The following MOV10L1 variants were observed in gnomAD, a reference collection of about 807,000 sequenced individuals.
The protein encoded by MOV10L1 is Mov10 like RNA helicase 1, also known as RNA helicase Mov10l1.
Under a neutral mutation model 143.8 loss-of-function variants are expected in MOV10L1, and 110 were observed. The ratio of observed to expected loss-of-function variants is 0.76; its 90% CI spans 0.66 to 0.90. MOV10L1 has a LOEUF of 0.90. Among genes scored for constraint, MOV10L1 ranks in the 40% least tolerant of loss-of-function variants. The pLI is 0.00. For synonymous variants in MOV10L1, 593 were observed against 581.1 expected (o/e 1.02, Z -0.29); for missense variants, 1,406 against 1,526.8 (o/e 0.92, Z 1.32).
chr22:50,120,560 A>G lies in MOV10L1; in HGVS notation c.1513A>G (p.Arg505Gly). ...CCAATATCCAATCCCAGATAGACTT[A>G]GAAAATGTGTGGAACAAAAAATTGA... ...LPQYPIPDRL[R>G]KCVEQKIDIL... Residue 505 changes from arginine to glycine, a missense_variant, in exon 10 of 27, where the codon AGA becomes GGA. By Grantham distance (125) the Arg-to-Gly change is moderately radical. Around this residue, in one of 3 missense-constraint regions of MOV10L1, gnomAD observed 1,233 missense variants for 1,351.4 expected, o/e 0.91. Coordinates refer to ENST00000262794, the MANE Select transcript of MOV10L1 (RefSeq NM_018995.3). 1 of 1,613,948 alleles carries G rather than the reference A, an allele frequency of 6.2e-7. No homozygotes were observed. Among genetic ancestry groups the G allele is most frequent in the Non-Finnish European group, 8.5e-7 (1 of 1,179,876 alleles).
chr22:50,106,283 T>C (rs940877622), intron 3 of MOV10L1, among the ~76,000 whole-genome samples: 17 of 150,962 alleles, frequency 1.1e-4, no homozygotes, highest in African/African-American at 4.1e-4. Flanking sequence ...GCCTCGTGAG[T>C]AGCTGGGACT....
rs74932122 is a variant in MOV10L1 at position 50,102,348 on chromosome 22, C to T, written c.442+2746C>T. Among the ~76,000 whole-genome samples the T allele has an allele frequency of 8.1e-3, 1,241 of 152,324 alleles. 19 individuals carry two copies. The highest frequency in any genetic ancestry group is 0.027 in the African/African-American group (1,141 of 41,576). Reference sequence around the variant, plus strand: ...TCCTCCCCACAGGATGGTCGTACCACGTAGCTGAAAGCAGACATAGCTGTA... The same window carrying T: ...TCCTCCCCACAGGATGGTCGTACCATGTAGCTGAAAGCAGACATAGCTGTA... On this transcript the variant is annotated intron_variant, in intron 3 of 26. Transcript: ENST00000262794.
chr22:50,144,446 A>G (rs945898066), intron 18 of MOV10L1, among the ~76,000 whole-genome samples: 4 of 134,930 alleles, frequency 3.0e-5, no homozygotes, highest in African/African-American at 7.8e-5. Flanking sequence ...TCACATTCTC[A>G]CTCTGTGTGA....
intron 18 of MOV10L1, among the ~76,000 whole-genome samples, chr22:50,144,850 G>A (rs1013565162): frequency 6.6e-6 from 1 of 151,906 alleles, no homozygotes; most frequent in Non-Finnish European, 1.5e-5. Flanking sequence ...CAAAGTGCTG[G>A]GATTACAGGC....
At chr22:50,160,548 G>A (rs969726986) in intron 24 of MOV10L1, 140 bp from the exon 25 acceptor site, 46 of 1,105,980 alleles carry the variant, frequency 4.2e-5, no homozygotes, top group African/African-American at 1.6e-4. Context: ...CACCGCGCCC[G>A]GCCTCCTGTT....
Position 50,104,822 on chromosome 22 carries a change from G to A in MOV10L1, c.443-3314G>A, listed in dbSNP as rs565242412. Among the ~76,000 whole-genome samples the A allele has an allele frequency of 6.0e-5, 9 of 150,932 alleles. No individual in the cohort carries two copies. The East Asian group carries it at 7.7e-4, about 13-fold the overall frequency. ...ATTATTTCTATAATTGCGTGGTGTC[G>A]TCTTCAAAGTTGCATTTTATGGTTG... On this transcript the variant is annotated intron_variant, in intron 3 of 26. Transcript: ENST00000262794.
intron 13 of MOV10L1, 63 bp from the exon 14 acceptor site, chr22:50,133,944 T>C (rs2062749401): frequency 2.1e-6 from 3 of 1,400,482 alleles, no homozygotes; most frequent in Non-Finnish European, 3.0e-6. Flanking sequence ...TTCATTACCT[T>C]ATGCCAGCCT....
Position 50,159,339 on chromosome 22 carries a change from C to T in MOV10L1, c.3217-339C>T, listed in dbSNP as rs138334769. 498 of 167,924 alleles carry T rather than the reference C, an allele frequency of 3.0e-3. 2 individuals are homozygous for T. The highest frequency in any genetic ancestry group is 0.011 in the African/African-American group (465 of 41,800). The allele number at this position is 167,924 out of a possible 1,614,324, so 10.4% of individuals were successfully genotyped here. A position where few individuals can be genotyped will look rare whatever the true frequency, so the allele number is the denominator to read the frequency against. ...TGTACATGTCGGGCGTGGTGGCTCA[C>T]GCCTGTAATCCCAGCACTTTGGGAG... On this transcript the variant is annotated intron_variant, in intron 23 of 26. Transcript: ENST00000262794. The surrounding 1 kb of genome is among the most constrained non-coding windows in gnomAD (Gnocchi z 4.1).
At chr22:50,102,709 C>T (rs1161146196) in intron 3 of MOV10L1, among the ~76,000 whole-genome samples, 4 of 152,102 alleles carry the variant, frequency 2.6e-5, no homozygotes, top group Admixed American at 2.6e-4. Context: ...GGAGACCAGC[C>T]TGACCAACAT....
chr22:50,135,301 C>A (rs2062793701), intron 15 of MOV10L1, among the ~76,000 whole-genome samples: 1 of 151,876 alleles, frequency 6.6e-6, no homozygotes, highest in African/African-American at 2.4e-5. Context: ...CGTGAGCCAC[C>A]ACACCCGGCC....
rs767221349 is a variant in MOV10L1, at chr22:50,099,456, C to T, written c.296C>T (p.Ser99Phe). The T allele has an allele frequency of 6.2e-7, 1 of 1,613,964 alleles. No individual in the cohort carries two copies. Among genetic ancestry groups the T allele is most frequent in the Non-Finnish European group, 8.5e-7 (1 of 1,179,902 alleles). Reference protein sequence around the residue: ...GLKAIRVEAVSDKWEDDSRNH... With the variant: ...GLKAIRVEAVFDKWEDDSRNH... ...TTTGTTTTACAGGTAGAAGCTGTCT[C>T]TGATAAGTGGGAAGACGACAGCAGA... The change falls in exon 3 of 27, where the codon TCT (serine) becomes TTT (phenylalanine). Residue 99 changes from serine to phenylalanine, a missense_variant. Transcript: ENST00000262794.
chr22:50,111,725 A>C (rs1278001135), intron 5 of MOV10L1, among the ~76,000 whole-genome samples: 1 of 151,596 alleles, frequency 6.6e-6, no homozygotes, highest in Non-Finnish European at 1.5e-5. Flanking sequence ...GGATGGTCTC[A>C]ATCTCCTGAC....
At chr22:50,091,191 C>T (rs940502902) in intron 1 of MOV10L1, 1 of 167,736 alleles carries the variant, frequency 6.0e-6, no homozygotes, top group Non-Finnish European at 1.5e-5. Context: ...CCGTGGATCT[C>T]TTCGGTAGAA....
At chr22:50,109,724 C>A in intron 5 of MOV10L1, 1 of 183,932 alleles carries the variant, frequency 5.4e-6, no homozygotes, top group Non-Finnish European at 1.2e-5. Context: ...CACCTCCGGT[C>A]CCAGCTACAC....
At position 50,117,331 on chromosome 22, in the gene MOV10L1, T is replaced by A; in HGVS notation, c.1434T>A (p.Val478=). 6 of 1,613,896 alleles carry A rather than the reference T, an allele frequency of 3.7e-6. No homozygotes were observed. The highest frequency in any genetic ancestry group is 5.1e-6 in the Non-Finnish European group (6 of 1,179,942). ...SQALTSAKTT[V]VVTAQKRNSR... is the part of the protein sequence containing the mutation. ...CGTTAACATCCGCAAAAACTACAGTTGTTGTGACCGCACAGAAAAGGTACC... is the reference window on the plus strand; with the variant it reads ...CGTTAACATCCGCAAAAACTACAGTAGTTGTGACCGCACAGAAAAGGTACC... The change falls in exon 9 of 27, where the codon GTT becomes GTA. Residue 478 remains valine (V), a synonymous_variant. Transcript: ENST00000262794.
At chr22:50,111,273 A>G (rs185172924) in intron 5 of MOV10L1, among the ~76,000 whole-genome samples, 1 of 152,308 alleles carries the variant, frequency 6.6e-6, no homozygotes, top group African/African-American at 2.4e-5. Context: ...ACATGACTGA[A>G]TACACATTTG....
intron 8 of MOV10L1, among the ~76,000 whole-genome samples, chr22:50,116,866 G>A (rs1273443097): frequency 1.3e-5 from 2 of 151,854 alleles, no homozygotes; most frequent in African/African-American, 2.4e-5. Flanking sequence ...ATATTGCCCA[G>A]GCTGGTCTCA....
At chr22:50,137,473 G>A (rs776660206) in intron 15 of MOV10L1, among the ~76,000 whole-genome samples, 4 of 152,148 alleles carry the variant, frequency 2.6e-5, no homozygotes, top group East Asian at 1.9e-4. Context: ...GAACAGAGGC[G>A]GAGGCTGCAG....
chr22:50,107,023 C>T (rs1033911367), intron 3 of MOV10L1, among the ~76,000 whole-genome samples: 1 of 148,790 alleles, frequency 6.7e-6, no homozygotes, highest in African/African-American at 2.5e-5. Context: ...TCTTAAAATA[C>T]TCCCTGACCT....
Sources: gnomAD v4.1 joint callset for allele counts (sites outside exome capture counted in the v4.1 genomes callset) on GRCh38, gnomAD v4.1.1 for gene constraint, gnomAD v4.1.1 regional missense constraint, Gnocchi (gnomAD v3.1) non-coding constraint, MANE v1.5 for transcripts, NCBI Gene and HGNC (gene_info 2026-07-23, HGNC 2026-07-21) for gene names.